The following VPS53 variants were observed in gnomAD, a reference collection of about 807,000 sequenced individuals.
VPS53 encodes the protein vacuolar protein sorting-associated protein 53 homolog.
A neutral mutation model predicts 107.0 loss-of-function variants in VPS53; 70 were observed. The observed-to-expected ratio is 0.65, with a 90% CI of 0.54 to 0.80. VPS53 has a LOEUF of 0.80. VPS53 is among the 30% of genes least tolerant of loss of function. The pLI is 0.00. For synonymous variants in VPS53, 409 were observed against 393.3 expected (o/e 1.04, Z -0.47); for missense variants, 917 against 1,049.4 (o/e 0.87, Z 1.74).
chr17:624,551 A>G (rs1053146868), intron 10 of VPS53, among the ~76,000 whole-genome samples: 2 of 152,238 alleles, frequency 1.3e-5, no homozygotes, highest in South Asian at 2.1e-4. Flanking sequence ...TGAAACAAAG[A>G]GTCTCTGAGT....
intron 11 of VPS53, among the ~76,000 whole-genome samples, chr17:614,182 G>C (rs1969031667): frequency 6.6e-6 from 1 of 152,200 alleles, no homozygotes; most frequent in African/African-American, 2.4e-5. Flanking sequence ...TCCTGGAGTT[G>C]CACAGCTGGG....
intron 19 of VPS53, among the ~76,000 whole-genome samples, chr17:528,798 C>G (rs940474048): frequency 1.3e-5 from 2 of 151,978 alleles, no homozygotes; most frequent in African/African-American, 4.8e-5. Context: ...GGGTTTTCAC[C>G]ATGTTGGCCA....
At chr17:565,403 C>CAAAAAAAAAAAAA (rs535932031) in intron 13 of VPS53, among the ~76,000 whole-genome samples, 8 of 82,522 alleles carry the variant, frequency 9.7e-5, no homozygotes, top group Non-Finnish European at 1.8e-4. Context: ...AACCCCATCT[C>CAAAAAAAAAAAAA]AAAAAAAAAA....
chr17:539,798 C>T (rs908363139), intron 17 of VPS53, among the ~76,000 whole-genome samples: 1 of 152,172 alleles, frequency 6.6e-6, no homozygotes, highest in African/African-American at 2.4e-5. Context: ...CCTAAACATA[C>T]GTCGTCTCAT....
At chr17:650,100 A>G (rs900642138) in intron 7 of VPS53, among the ~76,000 whole-genome samples, 10 of 152,248 alleles carry the variant, frequency 6.6e-5, no homozygotes, top group African/African-American at 2.2e-4. Context: ...AGAATTCCAC[A>G]AGGAAAGAAT....
At chr17:542,302 A>T (rs1322445663) in intron 17 of VPS53, among the ~76,000 whole-genome samples, 1 of 152,242 alleles carries the variant, frequency 6.6e-6, no homozygotes. Context: ...CGTAACTGCT[A>T]AGTTAGCAGG....
At chr17:707,513 T>A (rs1350859539) in intron 2 of VPS53, among the ~76,000 whole-genome samples, 9 of 112,994 alleles carry the variant, frequency 8.0e-5, no homozygotes, top group Non-Finnish European at 7.2e-5. Context: ...AGAATGAGAC[T>A]TTGTCTCAAA....
chr17:711,352 A>G (rs1424513481), intron 1 of VPS53, among the ~76,000 whole-genome samples: 4 of 152,240 alleles, frequency 2.6e-5, no homozygotes, highest in African/African-American at 9.6e-5. Flanking sequence ...GTGGGAAGCA[A>G]CTTCATCTCT....
chr17:642,298 CCGAGGACAACACTCATACTTGGAAAG>C (rs1597422511), intron 7 of VPS53, among the ~76,000 whole-genome samples: 1 of 151,702 alleles, frequency 6.6e-6, no homozygotes, highest in Non-Finnish European at 1.5e-5. Context: ...TACTTGGCAA[CCGAGGACAACACTCATACTTGGAAAG>C]CGAGGACAAC....
chr17:572,428 C>A (rs960669594), intron 13 of VPS53, among the ~76,000 whole-genome samples: 130 of 149,224 alleles, frequency 8.7e-4, no homozygotes, highest in Non-Finnish European at 9.4e-4. Flanking sequence ...GTCAGCCCCC[C>A]GCCCGGCCAG....
intron 2 of VPS53, among the ~76,000 whole-genome samples, chr17:701,194 C>T (rs976428731): frequency 1.3e-5 from 2 of 151,916 alleles, no homozygotes; most frequent in African/African-American, 2.4e-5. Flanking sequence ...GGCATGGTGG[C>T]ATGTGCTTGC....
Position 714,831 on chromosome 17 carries a change from C to A in VPS53, c.-122G>T, listed in dbSNP as rs1973793909. 5 of 1,113,476 alleles carry A rather than the reference C, an allele frequency of 4.5e-6. No homozygotes were observed. The South Asian group carries it at 6.4e-5, about 14-fold the overall frequency. The allele number at this position is 1,113,476 out of a possible 1,614,324, so 69.0% of individuals were successfully genotyped here. On this transcript the variant is annotated 5_prime_UTR_variant, in exon 1 of 22. Transcript: ENST00000437048. ...ACCTGGTGAGCCCGGCTCCGTCAGC[C>A]GCTCTGTCAGCCGCTCCGGCACTTC...
chr17:654,051 T>G (rs1172442248), intron 6 of VPS53, among the ~76,000 whole-genome samples: 1 of 151,858 alleles, frequency 6.6e-6, no homozygotes, highest in East Asian at 1.9e-4. Context: ...CAAAATTAGC[T>G]GGGCGTGGTG....
intron 7 of VPS53, among the ~76,000 whole-genome samples, chr17:647,815 C>A (rs918280796): frequency 2.6e-5 from 4 of 152,182 alleles, no homozygotes; most frequent in South Asian, 2.1e-4. Flanking sequence ...AAATCCAAAT[C>A]CAGACAAGAA....
intron 4 of VPS53, among the ~76,000 whole-genome samples, chr17:689,538 A>C (rs1310978460): frequency 7.3e-6 from 1 of 137,798 alleles, no homozygotes; most frequent in African/African-American, 2.7e-5. Flanking sequence ...CAGTGGCACC[A>C]TCTCAGCTCA....
chr17:561,771 A>G (rs1242085678), intron 14 of VPS53, among the ~76,000 whole-genome samples: 6 of 152,294 alleles, frequency 3.9e-5, no homozygotes, highest in Admixed American at 2.0e-4. Context: ...CCGGGACTAC[A>G]GGCATGCACC....
chr17:682,655 G>A (rs1239164467), intron 4 of VPS53, among the ~76,000 whole-genome samples: 1 of 152,168 alleles, frequency 6.6e-6, no homozygotes, highest in African/African-American at 2.4e-5. Flanking sequence ...GACCTTCACT[G>A]GGTGTTCATG....
chr17:693,142 C>CA (rs999113669), intron 4 of VPS53, among the ~76,000 whole-genome samples: 76 of 152,116 alleles, frequency 5.0e-4, no homozygotes, highest in African/African-American at 1.8e-3. Context: ...AAAAACAAAA[C>CA]AAAAAACAAA....
chr17:531,052 G>C (rs747984859), intron 19 of VPS53, among the ~76,000 whole-genome samples: 1 of 152,236 alleles, frequency 6.6e-6, no homozygotes, highest in South Asian at 2.1e-4. Flanking sequence ...CACTACTGGA[G>C]GCAGCGTCTG....
Sources: allele counts gnomAD v4.1 joint callset (sites outside exome capture counted in the v4.1 genomes callset), GRCh38; gene constraint gnomAD v4.1.1; transcripts MANE v1.5; gene names NCBI Gene and HGNC (gene_info 2026-07-23, HGNC 2026-07-21).